The following ADGRG1 variants were observed in gnomAD, a reference collection of about 807,000 sequenced individuals.
ADGRG1 encodes the protein 7-transmembrane protein with no EGF-like N-terminal domains-1.
ADGRG1 carries 53 observed loss-of-function variants against 73.5 expected under a neutral mutation model. That is an observed-to-expected ratio of 0.72 (90% CI 0.58 to 0.91). ADGRG1 has a LOEUF of 0.91. ADGRG1 is among the 40% of genes least tolerant of loss of function. ADGRG1 has a pLI of 0.00. For synonymous variants in ADGRG1, 394 were observed against 374.4 expected (o/e 1.05, Z -0.60); for missense variants, 795 against 871.8 (o/e 0.91, Z 1.11).
At chr16:57,636,506 C>T in intron 1 of ADGRG1, 2 of 985,310 alleles carry the variant, frequency 2.0e-6, no homozygotes, top group Non-Finnish European at 2.4e-6. Context: ...GCTCCTGATC[C>T]TGTTAGATGC....
At chr16:57,624,697 C>G (rs1229126514), upstream of ADGRG1, 3 of 983,784 alleles carry the variant, frequency 3.0e-6, no homozygotes, top group Non-Finnish European at 3.6e-6. Context: ...CCTACTCCCC[C>G]AGGCCTCAGT....
Position 57,655,410 on chromosome 16 carries a change from C to A in ADGRG1, c.780C>A (p.Ser260Arg), listed in dbSNP as rs371548509. 2 of 1,613,242 alleles carry A rather than the reference C, an allele frequency of 1.2e-6. No homozygotes were observed. The highest frequency in any genetic ancestry group is 1.7e-6 in the Non-Finnish European group (2 of 1,179,964). Residue 260 changes from serine (S) to arginine (R), a missense_variant, in exon 6 of 14, where the codon AGC (serine) becomes AGA (arginine). Coordinates refer to ENST00000562631, the MANE Select transcript of ADGRG1 (RefSeq NM_201525.4). ...AGGGACCTCTGCAGGAGGAGCAGAG[C>A]GAGATCATGGAGTACTCGGTGCTGC... ...HIHSRQEEEQ[S>R]EIMEYSVLLP...
At chr16:57,647,430 A>G in intron 1 of ADGRG1, 1 of 985,220 alleles carries the variant, frequency 1.0e-6, no homozygotes, top group Non-Finnish European at 1.2e-6. Flanking sequence ...GGCAGGCATG[A>G]GCTGTTTAGA....
At chr16:57,625,534 A>C, upstream of ADGRG1, 1 of 982,970 alleles carries the variant, frequency 1.0e-6, no homozygotes, top group Non-Finnish European at 1.2e-6. Flanking sequence ...ATCCGGACCC[A>C]ACTTCCCCTC....
intron 1 of ADGRG1, among the ~76,000 whole-genome samples, chr16:57,649,433 T>C (rs1271930373): frequency 6.6e-6 from 1 of 152,044 alleles, no homozygotes; most frequent in Non-Finnish European, 1.5e-5. Context: ...CTTTGGCCAG[T>C]GGTGTGAACC....
intron 9 of ADGRG1, 97 bp downstream of exon 9, chr16:57,656,714 C>T: frequency 1.2e-6 from 1 of 812,296 alleles, no homozygotes; most frequent in South Asian, 1.3e-5. Flanking sequence ...TTCCTCATAA[C>T]AGCTCTCCAA....
chr16:57,640,754 A>G lies in ADGRG1; in HGVS notation c.-35-9499A>G, dbSNP rs375840923. ...GGAGGGTGCTCTCGGCCCCTCAGCC[A>G]GTGATCCAGGACCTCGAGGAGGGGG... On this transcript the variant is annotated intron_variant, in intron 1 of 13. Coordinates refer to ENST00000562631, the MANE Select transcript of ADGRG1 (RefSeq NM_201525.4). The G allele has an allele frequency of 1.8e-4, 58 of 323,904 alleles. No homozygotes were observed. The East Asian group carries it at 8.8e-3, about 49-fold the overall frequency. 20.1% of individuals were successfully genotyped at this position (323,904 alleles called of 1,614,324 possible). A position where few individuals can be genotyped will look rare whatever the true frequency, so the allele number is the denominator to read the frequency against.
intron 1 of ADGRG1, chr16:57,639,698 C>T (rs1006494008): frequency 1.0e-6 from 1 of 974,526 alleles, no homozygotes. Flanking sequence ...CCTCTCCCCT[C>T]CTCCCCGTCC....
intron 1 of ADGRG1, among the ~76,000 whole-genome samples, chr16:57,649,110 G>A (rs1003598241): frequency 1.3e-5 from 2 of 152,186 alleles, no homozygotes; most frequent in African/African-American, 4.8e-5. Context: ...TTGCCAGGGC[G>A]GGGCAATACC....
upstream of ADGRG1, chr16:57,625,566 G>A (rs1432438024): frequency 8.1e-6 from 8 of 984,422 alleles, no homozygotes; most frequent in East Asian, 1.1e-4. Context: ...CCATCCCTCC[G>A]CATCATTGCT....
rs1213582965 is a variant in ADGRG1, at chr16:57,661,717, T to C, written c.1685T>C (p.Leu562Pro). The change falls in exon 13 of 14, where the codon CTG becomes CCG. Residue 562 changes from leucine (L) to proline (P), a missense_variant. Transcript: ENST00000562631. The part of the protein sequence containing the change: ...YPSMCWIRDS[L>P]VSYITNLGLF... ...CGCAGGTGCTGGATCCGGGACTCCC[T>C]GGTCAGCTACATCACCAACCTGGGC... 1 of 1,613,848 alleles carries C rather than the reference T, an allele frequency of 6.2e-7. No individual in the cohort carries two copies. Among genetic ancestry groups the C allele is most frequent in the Non-Finnish European group, 8.5e-7 (1 of 1,179,904 alleles).
rs561261910 is a variant in ADGRG1, at chr16:57,630,972, G to A, written c.-36+2170G>A. ...CCAGCAGGTCTCAATCTGCTCTGTGGGGGGGAAGAGAGGCAGGAGGACTCG... is the reference window on the plus strand; with the variant it reads ...CCAGCAGGTCTCAATCTGCTCTGTGAGGGGGAAGAGAGGCAGGAGGACTCG... On this transcript the variant is annotated intron_variant, in intron 1 of 13. Coordinates refer to ENST00000562631, the MANE Select transcript of ADGRG1 (RefSeq NM_201525.4). 1.3e-5 allele frequency: 13 copies of A among 985,868 alleles called. No homozygotes were observed. The South Asian group carries it at 1.4e-4, about 11-fold the overall frequency. The allele number at this position is 985,868 out of a possible 1,614,324, so 61.1% of individuals were successfully genotyped here. A position where few individuals can be genotyped will look rare whatever the true frequency, so the allele number is the denominator to read the frequency against.
chr16:57,635,961 GC>G, intron 1 of ADGRG1: 1 of 985,372 alleles, frequency 1.0e-6, no homozygotes, highest in Non-Finnish European at 1.2e-6. Context: ...TCCCTGCCCT[GC>G]CCCAGCTCTG....
chr16:57,644,697 TGCACGGGCACACACTGATCACAC>T (rs1219155463), intron 1 of ADGRG1, among the ~76,000 whole-genome samples: 175 of 98,566 alleles, frequency 1.8e-3, no homozygotes, highest in African/African-American at 6.9e-3. Flanking sequence ...AGCACACACA[TGCACGGGCACACACTGATCACAC>T]GCACTGGCAC....
chr16:57,624,264 T>C (rs2147016989), upstream of ADGRG1: 1 of 572,232 alleles, frequency 1.7e-6, no homozygotes, highest in African/African-American at 2.0e-5. Flanking sequence ...CTTTGGGAGG[T>C]CAAGGTGGGA....
In ADGRG1 at chr16:57,654,029, AT is replaced by A; in HGVS notation, c.665del (p.Met222ArgfsTer101). ...LESKLTSVRFMGDMVSFEEDR... is the reference protein window; with the variant it reads ...LESKLTSVRFXGDMVSFEEDR... ...GTCGAAACTGACCTCTGTGAGATTC[AT>A]GGGGGACATGGTGTCCTTCGAGGAG... On this transcript the variant is annotated frameshift_variant, in exon 5 of 14. Coordinates refer to ENST00000562631, the MANE Select transcript of ADGRG1 (RefSeq NM_201525.4). LOFTEE classifies it high-confidence loss of function. The A allele has an allele frequency of 1.9e-6, 3 of 1,614,086 alleles. No homozygotes were observed. Among genetic ancestry groups the A allele is most frequent in the Non-Finnish European group, 2.5e-6 (3 of 1,180,024 alleles).
At chr16:57,641,565 C>CT (rs35725310) in intron 1 of ADGRG1, 45,528 of 896,884 alleles carry the variant, frequency 0.051, 18 homozygotes, top group Middle Eastern at 0.061. Flanking sequence ...TCTAAAAGTC[C>CT]TTTTTTTTTT....
At chr16:57,650,654 A>T (rs1222736106) in intron 2 of ADGRG1, 1 of 150,326 alleles carries the variant, frequency 6.7e-6, no homozygotes, top group South Asian at 2.1e-4. Context: ...TAAATACTTC[A>T]TTGCTGTTAA....
In ADGRG1 at chr16:57,651,777, G is replaced by A. The variant is rs568700015; in HGVS notation, c.487+155G>A. 151 of 1,504,196 alleles carry A rather than the reference G, an allele frequency of 1.0e-4. No individual in the cohort carries two copies. The African/African-American group carries it at 2.0e-3, about 20-fold the overall frequency. 93.2% of individuals were successfully genotyped at this position (1,504,196 alleles called of 1,614,324 possible). On this transcript the variant is annotated intron_variant, in intron 3 of 13. Transcript: ENST00000562631. Reference sequence around the variant, plus strand: ...CCAGTGAAGGTGTCTGAGGAGGGGAGGAGTGTAATCCAAGTGCTAGGATTA... The same window carrying A: ...CCAGTGAAGGTGTCTGAGGAGGGGAAGAGTGTAATCCAAGTGCTAGGATTA...
Sources: gnomAD v4.1 joint callset for allele counts (sites outside exome capture counted in the v4.1 genomes callset) on GRCh38, gnomAD v4.1.1 for gene constraint, MANE v1.5 for transcripts, NCBI Gene and HGNC (gene_info 2026-07-23, HGNC 2026-07-21) for gene names.